Variants in DOCK4 observed in about 807,000 individuals in gnomAD.
DOCK4 encodes dedicator of cytokinesis protein 4.
A neutral mutation model predicts 268.1 loss-of-function variants in DOCK4; 97 were observed. That is an observed-to-expected ratio of 0.36 (90% confidence interval 0.31 to 0.43). The LOEUF (loss-of-function observed/expected upper bound fraction) is 0.43. DOCK4 is among the 20% of genes least tolerant of loss of function. DOCK4 has a pLI of 1.00. For missense variants in DOCK4, 2,145 were observed against 2,455.7 expected (o/e 0.87, Z 2.67); for synonymous variants, 954 against 887.2 (o/e 1.08, Z -1.34).
intron 8 of DOCK4, among the ~76,000 whole-genome samples, chr7:111,973,156 C>CATATCTATATATAT (rs1797861964): frequency 8.8e-6 from 1 of 114,062 alleles, no homozygotes; most frequent in Non-Finnish European, 1.7e-5. Flanking sequence ...TATTCCATGG[C>CATATCTATATATAT]ATATATATAT....
At position 111,760,196 on chromosome 7, in the gene DOCK4, G is replaced by A; in HGVS notation, c.4147C>T (p.Gln1383Ter). 6.2e-7 allele frequency: 1 copy of A among 1,613,984 alleles called. No individual in the cohort carries two copies. The highest frequency in any genetic ancestry group is 8.5e-7 in the Non-Finnish European group (1 of 1,179,872). Residue 1383 changes from glutamine to a stop codon, truncating the protein, a stop_gained, in exon 40 of 53, where the codon CAG (glutamine) becomes TAG (stop). Transcript: ENST00000428084. LOFTEE classifies it high-confidence loss of function. ...HANQPDETIF[Q>*]AEAQYLQIYA... is the part of the protein sequence containing the mutation. ...GTGCGGATACACTGAGCTTCTGCCT[G>A]GAAGATGGTCTCATCGGGCTGGTTG...
chr7:112,057,559 A>T (rs935789177), intron 1 of DOCK4, among the ~76,000 whole-genome samples: 2 of 131,922 alleles, frequency 1.5e-5, no homozygotes, highest in African/African-American at 3.7e-5. Context: ...CCAAAAAATA[A>T]AAAAAAAAAA....
At chr7:111,918,093 G>A (rs930887438) in intron 12 of DOCK4, among the ~76,000 whole-genome samples, 7 of 151,986 alleles carry the variant, frequency 4.6e-5, no homozygotes, top group African/African-American at 1.7e-4. Context: ...TAAAATAGAA[G>A]GAAAGAAAAA....
rs143261745 is a variant in DOCK4, at chr7:112,059,589, A to C, written c.38-55458T>G. On this transcript the variant is annotated intron_variant, in intron 1 of 52. Transcript: ENST00000428084. ...TTAACAGTAAAAGTGATATTTCACC[A>C]ACTCATGACATGATAAAATCAGAGA... Among the ~76,000 whole-genome samples, 147 of 152,366 alleles carry C rather than the reference A, an allele frequency of 9.6e-4. 1 individual carries two copies. The highest frequency in any genetic ancestry group is 3.2e-3 in the African/African-American group (135 of 41,598).
intron 1 of DOCK4, among the ~76,000 whole-genome samples, chr7:112,185,279 A>C (rs1220232420): frequency 6.6e-6 from 1 of 152,172 alleles, no homozygotes; most frequent in Non-Finnish European, 1.5e-5. Flanking sequence ...ATGGACTATA[A>C]ATTATGTGGA....
At chr7:112,018,194 T>A (rs2135397918) in intron 1 of DOCK4, among the ~76,000 whole-genome samples, 1 of 118,974 alleles carries the variant, frequency 8.4e-6, no homozygotes, top group Non-Finnish European at 1.7e-5. Context: ...AGGCAACCAG[T>A]ATTCATGTGG....
At chr7:111,915,733 T>C in intron 13 of DOCK4, 46 bp downstream of exon 13, 2 of 1,594,000 alleles carry the variant, frequency 1.3e-6, no homozygotes, top group Middle Eastern at 1.7e-4. Flanking sequence ...CAAAAACAGA[T>C]AGTATACCCA....
chr7:111,919,633 G>A (rs1370467442), intron 12 of DOCK4, among the ~76,000 whole-genome samples: 1 of 152,064 alleles, frequency 6.6e-6, no homozygotes, highest in African/African-American at 2.4e-5. Flanking sequence ...TGAGGGGGAG[G>A]GCAGTTACTG....
intron 1 of DOCK4, among the ~76,000 whole-genome samples, chr7:112,198,033 C>T (rs1002708733): frequency 4.0e-5 from 6 of 150,502 alleles, no homozygotes; most frequent in African/African-American, 1.5e-4. Flanking sequence ...CATCCAGGCA[C>T]CCAAGCCAAA....
At chr7:112,065,262 G>GCATGGCTTGGAGTGCCATTTCT (rs1259948991) in intron 1 of DOCK4, among the ~76,000 whole-genome samples, 1 of 151,850 alleles carries the variant, frequency 6.6e-6, no homozygotes, top group Non-Finnish European at 1.5e-5. Context: ...TCTCACACCA[G>GCATGGCTTGGAGTGCCATTTCT]CATGGCTTGG....
chr7:112,064,989 T>C (rs1806785528), intron 1 of DOCK4, among the ~76,000 whole-genome samples: 1 of 152,154 alleles, frequency 6.6e-6, no homozygotes, highest in African/African-American at 2.4e-5. Flanking sequence ...CTTCTAGAAC[T>C]GTAAAAAATA....
intron 1 of DOCK4, among the ~76,000 whole-genome samples, chr7:112,118,828 C>T (rs1364078224): frequency 6.6e-6 from 1 of 152,180 alleles, no homozygotes; most frequent in Non-Finnish European, 1.5e-5. Flanking sequence ...CCCAAACTCT[C>T]CATCTGTTGT....
chr7:112,118,583 G>A (rs377175543), intron 1 of DOCK4, among the ~76,000 whole-genome samples: 12 of 152,034 alleles, frequency 7.9e-5, no homozygotes, highest in African/African-American at 2.9e-4. Flanking sequence ...GTACCTCACC[G>A]TTGAGTGGCC....
chr7:111,913,712 A>ATTT (rs754312104), intron 13 of DOCK4, among the ~76,000 whole-genome samples: 11 of 137,382 alleles, frequency 8.0e-5, no homozygotes, highest in African/African-American at 2.2e-4. Context: ...CCCGGCCACA[A>ATTT]TTTTTTTTTT....
At chr7:112,086,010 T>C (rs765674397) in intron 1 of DOCK4, among the ~76,000 whole-genome samples, 1 of 152,158 alleles carries the variant, frequency 6.6e-6, no homozygotes, top group Non-Finnish European at 1.5e-5. Flanking sequence ...TTACTCCTTA[T>C]GTTACATGTC....
At chr7:111,855,529 T>C (rs986999507) in intron 23 of DOCK4, among the ~76,000 whole-genome samples, 3 of 152,104 alleles carry the variant, frequency 2.0e-5, no homozygotes, top group Non-Finnish European at 4.4e-5. Flanking sequence ...CTGTGAGATA[T>C]CCACCAGAGA....
chr7:111,853,999 T>C (rs1804799151), intron 23 of DOCK4, among the ~76,000 whole-genome samples: 1 of 151,932 alleles, frequency 6.6e-6, no homozygotes, highest in Admixed American at 6.6e-5. Flanking sequence ...AGTGGCATGA[T>C]CTCGGCTCAC....
At chr7:112,030,846 A>C (rs1803213081) in intron 1 of DOCK4, among the ~76,000 whole-genome samples, 1 of 152,196 alleles carries the variant, frequency 6.6e-6, no homozygotes, top group Non-Finnish European at 1.5e-5. Flanking sequence ...TTTTAAAAGC[A>C]AGTTTGAATT....
chr7:111,769,915 T>C (rs1035293739), intron 36 of DOCK4, among the ~76,000 whole-genome samples: 1 of 152,198 alleles, frequency 6.6e-6, no homozygotes, highest in Non-Finnish European at 1.5e-5. Flanking sequence ...TTTTCGTTTC[T>C]GTTTTTGTCT....
Sources: allele counts gnomAD v4.1 joint callset (sites outside exome capture counted in the v4.1 genomes callset), GRCh38; gene constraint gnomAD v4.1.1; transcripts MANE v1.5; gene names NCBI Gene and HGNC (gene_info 2026-07-23, HGNC 2026-07-21).